Variants in LINGO2 observed in about 807,000 individuals in gnomAD.
The protein encoded by LINGO2 is leucine-rich repeat and immunoglobulin-like domain-containing nogo receptor-interacting protein 2.
LINGO2 carries 14 observed loss-of-function variants against 30.6 expected under a neutral mutation model. That is an observed-to-expected ratio of 0.46 (90% CI 0.30 to 0.72). The LOEUF (loss-of-function observed/expected upper bound fraction) is 0.72. Ranked by LOEUF, LINGO2 falls within the 30% of genes least tolerant of loss-of-function variation. The probability of loss-of-function intolerance (pLI) is 0.07; values close to 1 mark genes in which losing one functional copy is unlikely to be tolerated. For missense variants in LINGO2, 729 were observed against 751.7 expected (o/e 0.97, Z 0.35); for synonymous variants, 317 against 288.5 (o/e 1.10, Z -1.00).
chr9:28,911,805 T>C, the LINGO2 span, among the ~76,000 whole-genome samples: 2 of 152,056 alleles, frequency 1.3e-5, no homozygotes, highest in South Asian at 2.1e-4. Context: ...CAGAAAGAGA[T>C]GTACGTTCTC....
the LINGO2 span, among the ~76,000 whole-genome samples, chr9:28,709,310 G>A: frequency 4.1e-4 from 63 of 152,112 alleles, no homozygotes; most frequent in Middle Eastern, 0.034. Flanking sequence ...TTAGTTTAGT[G>A]TGTTTTCAGG....
intron 4 of LINGO2, among the ~76,000 whole-genome samples, chr9:28,193,352 T>C (rs1446079266): frequency 6.6e-6 from 1 of 152,162 alleles, no homozygotes; most frequent in Non-Finnish European, 1.5e-5. Flanking sequence ...CTGGTGGCTT[T>C]ATTAACTGAC....
chr9:27,937,694 C>T, the LINGO2 span: 1 of 152,008 alleles, frequency 6.6e-6, no homozygotes, highest in East Asian at 1.9e-4. Flanking sequence ...ACAATTCAAA[C>T]ATACAAATCA....
At chr9:29,061,474 T>G in the LINGO2 span, among the ~76,000 whole-genome samples, 1 of 151,758 alleles carries the variant, frequency 6.6e-6, no homozygotes, top group Non-Finnish European at 1.5e-5. Flanking sequence ...GATGCTGGTA[T>G]TAAAAAAAAA....
chr9:29,109,169 T>C, the LINGO2 span, among the ~76,000 whole-genome samples: 3 of 152,152 alleles, frequency 2.0e-5, no homozygotes, highest in Admixed American at 2.0e-4. Context: ...TAAAAAGCTA[T>C]TGCATAAAGT....
the LINGO2 span, among the ~76,000 whole-genome samples, chr9:28,744,638 G>GTGTGTGTGTGTGTGTGTGTGTT: frequency 1.7e-5 from 2 of 119,276 alleles, no homozygotes; most frequent in Admixed American, 8.6e-5. Context: ...GTGTGTGTGT[G>GTGTGTGTGTGTGTGTGTGTGTT]TATTTTTTTT....
At chr9:28,163,593 TG>T in intron 4 of LINGO2, among the ~76,000 whole-genome samples, 1 of 152,286 alleles carries the variant, frequency 6.6e-6, no homozygotes, top group South Asian at 2.1e-4. Context: ...TACCATATGC[TG>T]CTCCTTTCAA....
the LINGO2 span, among the ~76,000 whole-genome samples, chr9:29,129,447 A>G: frequency 3.3e-5 from 5 of 152,100 alleles, no homozygotes; most frequent in African/African-American, 1.2e-4. Flanking sequence ...ATTTCCCTTA[A>G]GAAAGCGTTA....
rs1340175732 is a variant in LINGO2, at chr9:28,556,972, C to T, written c.-364-80947G>A. ...TAGAAAGCTGAAACTAGATCCCTTC[C>T]TTACACCTTATACAAAAATCAATTC... On this transcript the variant is annotated intron_variant, in intron 1 of 5. Transcript: ENST00000379992. Among the ~76,000 whole-genome samples the T allele has an allele frequency of 2.0e-3, 301 of 152,168 alleles. 1 individual carries two copies. Among genetic ancestry groups the T allele is most frequent in the Middle Eastern group, 6.8e-3 (2 of 294 alleles).
chr9:29,034,810 C>T, the LINGO2 span, among the ~76,000 whole-genome samples: 4 of 152,140 alleles, frequency 2.6e-5, no homozygotes, highest in South Asian at 4.1e-4. Context: ...CTTCACCCTT[C>T]GTGTCTGCTG....
the LINGO2 span, among the ~76,000 whole-genome samples, chr9:28,739,268 T>A: frequency 2.0e-5 from 3 of 151,930 alleles, no homozygotes; most frequent in African/African-American, 7.2e-5. Flanking sequence ...TATTGACATT[T>A]TCCTATTAAT....
At chr9:28,142,870 G>A (rs574483857) in intron 4 of LINGO2, among the ~76,000 whole-genome samples, 1 of 152,188 alleles carries the variant, frequency 6.6e-6, no homozygotes, top group South Asian at 2.1e-4. Flanking sequence ...TTCCCTAGCT[G>A]GAGTGGGTAT....
the LINGO2 span, among the ~76,000 whole-genome samples, chr9:28,988,400 G>A: frequency 1.3e-5 from 2 of 151,774 alleles, no homozygotes; most frequent in Non-Finnish European, 2.9e-5. Flanking sequence ...CAACTTCTTT[G>A]CTTTCAGTCT....
intron 4 of LINGO2, among the ~76,000 whole-genome samples, chr9:28,229,997 C>T (rs1481882674): frequency 1.3e-5 from 2 of 151,700 alleles, no homozygotes; most frequent in Non-Finnish European, 3.0e-5. Flanking sequence ...TTTCAACAAA[C>T]AAACAAAACC....
At chr9:28,766,573 A>C in the LINGO2 span, among the ~76,000 whole-genome samples, 1 of 152,042 alleles carries the variant, frequency 6.6e-6, no homozygotes, top group East Asian at 1.9e-4. Flanking sequence ...CTCTCTTCTG[A>C]ATATGTACCC....
In LINGO2 at chr9:28,245,077, T is replaced by C. The variant is rs556494948; in HGVS notation, c.-87+50131A>G. On this transcript the variant is annotated intron_variant, in intron 4 of 5. Coordinates refer to ENST00000379992, the Ensembl canonical transcript of LINGO2. ...CTTAATCAAATACTGGCAAACCAAA[T>C]CCAGCACCACATCAAAAAGTTTATC... 8.5e-5 allele frequency among the ~76,000 whole-genome samples: 13 copies of C among 152,242 alleles called. No homozygotes were observed. The South Asian group carries it at 2.7e-3, about 32-fold the overall frequency.
chr9:28,893,469 A>T, the LINGO2 span, among the ~76,000 whole-genome samples: 1 of 152,050 alleles, frequency 6.6e-6, no homozygotes, highest in South Asian at 2.1e-4. Flanking sequence ...TTTTTTAAAA[A>T]TATAAATTGC....
At chr9:28,667,410 T>C (rs1225559692) in intron 1 of LINGO2, among the ~76,000 whole-genome samples, 1 of 152,070 alleles carries the variant, frequency 6.6e-6, no homozygotes, top group African/African-American at 2.4e-5. Flanking sequence ...CACTTTTAAA[T>C]TTTACTTTCT....
chr9:28,956,780 C>T, the LINGO2 span, among the ~76,000 whole-genome samples: 1 of 122,842 alleles, frequency 8.1e-6, no homozygotes, highest in Non-Finnish European at 1.6e-5. Context: ...TTCTCCTTTT[C>T]TTGCCTTTAT....
Sources: allele counts gnomAD v4.1 joint callset (sites outside exome capture counted in the v4.1 genomes callset), GRCh38; gene constraint gnomAD v4.1.1; transcripts MANE v1.5; gene names NCBI Gene and HGNC (gene_info 2026-07-23, HGNC 2026-07-21).